Variants in PACSIN2 observed in about 807,000 individuals in gnomAD.
PACSIN2 encodes the protein protein kinase C and casein kinase substrate in neurons 2, also known as protein kinase C and casein kinase substrate in neurons protein 2.
PACSIN2 carries 25 observed loss-of-function variants against 63.8 expected under a neutral mutation model. That is an observed-to-expected ratio of 0.39 (90% CI 0.29 to 0.55). The LOEUF is 0.55. Ranked by LOEUF, PACSIN2 falls within the 20% of genes least tolerant of loss-of-function variation. PACSIN2 has a pLI of 0.62. For missense variants in PACSIN2, 518 were observed against 646.9 expected (o/e 0.80, Z 2.16); for synonymous variants, 255 against 256.2 (o/e 1.00, Z 0.05).
intron 1 of PACSIN2, chr22:42,959,501 C>G (rs1934049877): frequency 6.6e-6 from 1 of 152,170 alleles, no homozygotes; most frequent in African/African-American, 2.4e-5. Flanking sequence ...AAACCAGAGT[C>G]AAAAATTACA....
chr22:42,893,733 C>T (rs1930088368), intron 2 of PACSIN2, 120 bp from the exon 3 acceptor site: 3 of 921,068 alleles, frequency 3.3e-6, no homozygotes, highest in Admixed American at 2.4e-5. Flanking sequence ...TTTACCACAC[C>T]CCTCTCCAAG....
chr22:42,972,551 A>C (rs185014375), intron 1 of PACSIN2, among the ~76,000 whole-genome samples: 4 of 152,108 alleles, frequency 2.6e-5, no homozygotes, highest in African/African-American at 4.8e-5. Flanking sequence ...CATTTTAGAA[A>C]AATAGTTCCT....
chr22:42,921,502 G>A (rs143816473), intron 1 of PACSIN2, among the ~76,000 whole-genome samples: 1 of 152,174 alleles, frequency 6.6e-6, no homozygotes, highest in African/African-American at 2.4e-5. Flanking sequence ...GAAGGGCCAA[G>A]AGGGAACCAG....
intron 1 of PACSIN2, among the ~76,000 whole-genome samples, chr22:42,927,579 A>AG (rs1932620036): frequency 3.4e-5 from 4 of 118,948 alleles, no homozygotes; most frequent in East Asian, 2.2e-4. Flanking sequence ...TTATTTAGTT[A>AG]TTTAGTTATT....
At chr22:42,892,581 G>A (rs980063620) in intron 3 of PACSIN2, among the ~76,000 whole-genome samples, 4 of 152,180 alleles carry the variant, frequency 2.6e-5, no homozygotes, top group African/African-American at 9.7e-5. Context: ...CACTGCCACC[G>A]ACCAAGGGAG....
intron 1 of PACSIN2, among the ~76,000 whole-genome samples, chr22:42,940,776 G>C (rs1280159696): frequency 6.6e-6 from 1 of 152,162 alleles, no homozygotes; most frequent in African/African-American, 2.4e-5. Flanking sequence ...TATACAAATG[G>C]AAAAGACCCA....
intron 1 of PACSIN2, among the ~76,000 whole-genome samples, chr22:42,929,244 C>A (rs905780287): frequency 6.6e-6 from 1 of 152,220 alleles, no homozygotes; most frequent in Non-Finnish European, 1.5e-5. Context: ...GCTTCCCAAG[C>A]ACGTCCACAT....
intron 1 of PACSIN2, among the ~76,000 whole-genome samples, chr22:42,962,002 ACACCAGAGTGCCACGCCCGC>A (rs1228031161): frequency 2.0e-5 from 3 of 152,272 alleles, no homozygotes; most frequent in South Asian, 4.1e-4. Flanking sequence ...CAGAAGATGA[ACACCAGAGTGCCACGCCCGC>A]CACAGCTGGC....
At chr22:42,935,577 A>C (rs1296896800) in intron 1 of PACSIN2, among the ~76,000 whole-genome samples, 2 of 152,202 alleles carry the variant, frequency 1.3e-5, no homozygotes, top group Non-Finnish European at 2.9e-5. Flanking sequence ...ATGATTTTTC[A>C]ATCTTTTGCA....
chr22:43,012,069 T>C (rs922808097), intron 1 of PACSIN2, among the ~76,000 whole-genome samples: 1 of 152,064 alleles, frequency 6.6e-6, no homozygotes, highest in Non-Finnish European at 1.5e-5. Flanking sequence ...CACTTGAACC[T>C]GGGAGGCAGA....
chr22:42,986,316 AAGC>A (rs2146895110), intron 1 of PACSIN2, among the ~76,000 whole-genome samples: 1 of 152,324 alleles, frequency 6.6e-6, no homozygotes, highest in East Asian at 1.9e-4. Context: ...CGAGTCTGGT[AAGC>A]ACCCTGGCTG....
chr22:42,884,462 C>G lies in PACSIN2; in HGVS notation c.709G>C (p.Glu237Gln). The change falls in exon 6 of 11, where the codon GAG (glutamate) becomes CAG (glutamine). Residue 237 changes from glutamate (E) to glutamine (Q), a missense_variant. Glu to Gln is a conservative substitution (Grantham distance 29). Transcript: ENST00000263246. ...CGGAAGAAGCGAAGGCGTTTCTCCTCGAACTGCTGGCACTGCTCAAACACC... is the reference window on the plus strand; with the variant it reads ...CGGAAGAAGCGAAGGCGTTTCTCCTGGAACTGCTGGCACTGCTCAAACACC... ...EQVFEQCQQF[E>Q]EKRLRFFREV... 6.2e-7 allele frequency: 1 copy of G among 1,614,212 alleles called. No individual in the cohort carries two copies. The highest frequency in any genetic ancestry group is 8.5e-7 in the Non-Finnish European group (1 of 1,180,018).
At chr22:42,957,128 A>G (rs1933949096) in intron 1 of PACSIN2, among the ~76,000 whole-genome samples, 1 of 152,298 alleles carries the variant, frequency 6.6e-6, no homozygotes, top group South Asian at 2.1e-4. Flanking sequence ...TGGCTCACCA[A>G]ATGAAAGCAG....
chr22:42,948,929 T>C (rs530607666), intron 1 of PACSIN2, among the ~76,000 whole-genome samples: 8 of 152,296 alleles, frequency 5.3e-5, no homozygotes, highest in East Asian at 1.9e-4. Context: ...GGGAACTCAA[T>C]TGTCAGGCAA....
chr22:42,964,058 AC>A (rs1245505085), intron 1 of PACSIN2, among the ~76,000 whole-genome samples: 2 of 152,162 alleles, frequency 1.3e-5, no homozygotes, highest in African/African-American at 4.8e-5. Context: ...GAAACCCTGT[AC>A]CCTTTAGCTA....
intron 1 of PACSIN2, among the ~76,000 whole-genome samples, chr22:42,920,613 C>T (rs1290715774): frequency 1.3e-5 from 2 of 152,062 alleles, no homozygotes; most frequent in African/African-American, 4.8e-5. Flanking sequence ...CAAGGCCGCA[C>T]CGCCCATGGT....
At chr22:42,942,691 G>C (rs1276581924) in intron 1 of PACSIN2, among the ~76,000 whole-genome samples, 1 of 152,154 alleles carries the variant, frequency 6.6e-6, no homozygotes, top group Non-Finnish European at 1.5e-5. Flanking sequence ...AACTGGCTTA[G>C]CATCCTTGTC....
chr22:42,979,096 G>A (rs1921893859), intron 1 of PACSIN2, among the ~76,000 whole-genome samples: 1 of 152,172 alleles, frequency 6.6e-6, no homozygotes, highest in African/African-American at 2.4e-5. Flanking sequence ...AAGCTCCATT[G>A]CCTAGGAGAA....
At chr22:42,983,610 T>C (rs1922401018) in intron 1 of PACSIN2, among the ~76,000 whole-genome samples, 1 of 151,986 alleles carries the variant, frequency 6.6e-6, no homozygotes, top group Admixed American at 6.6e-5. Context: ...CAATAAAAGA[T>C]TGACATATGA....
Sources: allele counts gnomAD v4.1 joint callset (sites outside exome capture counted in the v4.1 genomes callset), GRCh38; gene constraint gnomAD v4.1.1; transcripts MANE v1.5; gene names NCBI Gene and HGNC (gene_info 2026-07-23, HGNC 2026-07-21).